The following PKP4 variants were observed in gnomAD, a reference collection of about 807,000 sequenced individuals.
PKP4 encodes the protein plakophilin 4.
In PKP4, 90 loss-of-function variants were observed where a neutral mutation model predicts 145.1. That is an observed-to-expected ratio of 0.62 (90% CI 0.52 to 0.74). The LOEUF is 0.74. Among genes scored for constraint, PKP4 ranks in the 30% least tolerant of loss-of-function variants. The pLI is 0.00. For missense variants in PKP4, 1,340 were observed against 1,482.7 expected (o/e 0.90, Z 1.58); for synonymous variants, 563 against 577.2 (o/e 0.98, Z 0.35).
In PKP4 at chr2:158,635,758, C is replaced by T. The variant is rs371928146; in HGVS notation, c.1562+1469C>T. 7.9e-5 allele frequency among the ~76,000 whole-genome samples: 12 copies of T among 152,118 alleles called. 2 individuals are homozygous for T. The highest frequency in any genetic ancestry group is 6.5e-4 in the Admixed American group (10 of 15,282). ...GATGGCTGTCTTTGATTATGTGAAA[C>T]TTTACTGATAATGCATTTCGTAAGG... On this transcript the variant is annotated intron_variant, in intron 9 of 21. Transcript: ENST00000389759.
chr2:158,507,486 C>G (rs2041095116), intron 1 of PKP4, among the ~76,000 whole-genome samples: 2 of 152,188 alleles, frequency 1.3e-5, no homozygotes. Context: ...CTAGCTAACT[C>G]TTTCTAATGT....
chr2:158,619,761 G>A (rs1016920387), intron 4 of PKP4, among the ~76,000 whole-genome samples: 1 of 152,172 alleles, frequency 6.6e-6, no homozygotes, highest in Non-Finnish European at 1.5e-5. Context: ...AGACACTGAG[G>A]ATATAACAAA....
chr2:158,641,243 C>T (rs1474467314), intron 10 of PKP4, among the ~76,000 whole-genome samples: 1 of 151,562 alleles, frequency 6.6e-6, no homozygotes, highest in Admixed American at 6.6e-5. Context: ...AAGGCTGAGG[C>T]GGGAGAATCA....
intron 1 of PKP4, among the ~76,000 whole-genome samples, chr2:158,479,564 T>G (rs1308686340): frequency 6.6e-6 from 1 of 152,218 alleles, no homozygotes. Context: ...TTAACATTTT[T>G]TAATTTTATT....
chr2:158,542,210 A>G (rs547972022), intron 2 of PKP4, among the ~76,000 whole-genome samples: 78 of 152,296 alleles, frequency 5.1e-4, no homozygotes, highest in Non-Finnish European at 1.1e-3. Flanking sequence ...CCATTGTCCC[A>G]CTTTCTCATT....
At chr2:158,515,593 T>G (rs1316897916) in intron 1 of PKP4, among the ~76,000 whole-genome samples, 1 of 152,210 alleles carries the variant, frequency 6.6e-6, no homozygotes, top group African/African-American at 2.4e-5. Flanking sequence ...ATGTTTTTCC[T>G]TAATAGATAA....
At chr2:158,470,478 C>CT (rs895364629) in intron 1 of PKP4, among the ~76,000 whole-genome samples, 3 of 152,154 alleles carry the variant, frequency 2.0e-5, no homozygotes, top group South Asian at 2.1e-4. Context: ...TAGTATCTAA[C>CT]TTTTTTGTGG....
chr2:158,665,238 T>C (rs996301250), intron 15 of PKP4, among the ~76,000 whole-genome samples: 2 of 152,078 alleles, frequency 1.3e-5, no homozygotes, highest in African/African-American at 2.4e-5. Flanking sequence ...CAGAAGGAGA[T>C]GGTTCTGTTG....
chr2:158,488,781 A>G (rs1300947130), intron 1 of PKP4, among the ~76,000 whole-genome samples: 2 of 152,218 alleles, frequency 1.3e-5, no homozygotes, highest in Non-Finnish European at 2.9e-5. Flanking sequence ...AGTGTTACCA[A>G]GGATTATCAG....
At chr2:158,660,721 GT>G (rs2056486761) in intron 12 of PKP4, 1 of 152,164 alleles carries the variant, frequency 6.6e-6, no homozygotes, top group Admixed American at 6.5e-5. Context: ...GATCAGAAAA[GT>G]TTTAGCATAA....
chr2:158,484,842 G>A (rs1693940403), intron 1 of PKP4, among the ~76,000 whole-genome samples: 1 of 152,178 alleles, frequency 6.6e-6, no homozygotes, highest in South Asian at 2.1e-4. Flanking sequence ...TGGGGTGCAA[G>A]CACAGCCCCA....
At chr2:158,467,307 A>G (rs1044936890) in intron 1 of PKP4, among the ~76,000 whole-genome samples, 1 of 152,142 alleles carries the variant, frequency 6.6e-6, no homozygotes, top group Non-Finnish European at 1.5e-5. Context: ...AAGATACACA[A>G]CATTTCCATC....
At chr2:158,480,530 C>A (rs1332453545) in intron 1 of PKP4, among the ~76,000 whole-genome samples, 1 of 151,564 alleles carries the variant, frequency 6.6e-6, no homozygotes, top group East Asian at 1.9e-4. Flanking sequence ...AGCCACCGCG[C>A]CTGGCCTCTG....
Position 158,582,813 on chromosome 2 carries a change from G to A in PKP4, c.245+5430G>A, listed in dbSNP as rs3771622. On this transcript the variant is annotated intron_variant, in intron 3 of 21. Coordinates refer to ENST00000389759, the MANE Select transcript of PKP4 (RefSeq NM_003628.6). ...CTTAACTAAGAGTAATTTTCCACGG[G>A]GCCAAGTCTGACACTACAGCTTGGC... is the stretch of plus-strand genomic sequence containing the variant. Among the ~76,000 whole-genome samples the A allele has an allele frequency of 2.0e-4, 30 of 152,198 alleles. No individual in the cohort carries two copies. In the East Asian group the frequency reaches 5.4e-3, roughly 27 times the overall value.
At chr2:158,556,300 G>A (rs886066031) in intron 2 of PKP4, among the ~76,000 whole-genome samples, 1 of 152,174 alleles carries the variant, frequency 6.6e-6, no homozygotes, top group East Asian at 1.9e-4. Flanking sequence ...AGCTCGGTGT[G>A]TTGTAATCAA....
At chr2:158,500,954 A>T (rs1174496255) in intron 1 of PKP4, among the ~76,000 whole-genome samples, 1 of 152,120 alleles carries the variant, frequency 6.6e-6, no homozygotes, top group Non-Finnish European at 1.5e-5. Flanking sequence ...ACTGCCTCTA[A>T]TGAAGGAGCC....
At chr2:158,541,993 C>T (rs6753600) in intron 2 of PKP4, among the ~76,000 whole-genome samples, 138,196 of 152,204 alleles carry the variant, frequency 0.91, 62,839 homozygotes, top group East Asian at 0.98. Flanking sequence ...GGTATTCCTT[C>T]AGAAATGCCT....
At chr2:158,642,900 A>G (rs1574925404) in intron 11 of PKP4, among the ~76,000 whole-genome samples, 1 of 152,222 alleles carries the variant, frequency 6.6e-6, no homozygotes, top group African/African-American at 2.4e-5. Context: ...CTCTATTAGT[A>G]TAAGTTATTG....
intron 4 of PKP4, among the ~76,000 whole-genome samples, chr2:158,612,345 C>A (rs1428868121): frequency 6.6e-6 from 1 of 152,126 alleles, no homozygotes; most frequent in Non-Finnish European, 1.5e-5. Flanking sequence ...AGCCCTATTT[C>A]TTTTTAATGG....
Sources: allele counts gnomAD v4.1 joint callset (sites outside exome capture counted in the v4.1 genomes callset), GRCh38; gene constraint gnomAD v4.1.1; transcripts MANE v1.5; gene names NCBI Gene and HGNC (gene_info 2026-07-23, HGNC 2026-07-21).